PTPRT: variants seen among roughly 807,000 people sequenced by gnomAD.
PTPRT encodes the protein protein tyrosine phosphatase receptor type T.
Under a neutral mutation model 176.8 loss-of-function variants are expected in PTPRT, and 56 were observed. The observed-to-expected ratio is 0.32, with a 90% CI of 0.26 to 0.40. The LOEUF is 0.40. Ranked by LOEUF, PTPRT falls within the 10% of genes least tolerant of loss-of-function variation. The pLI is 1.00. For synonymous variants in PTPRT, 783 were observed against 739.0 expected, an observed-to-expected ratio of 1.06 and a Z score of -0.96; for missense variants, 1,540 against 1,908.2, an observed-to-expected ratio of 0.81 and a Z score of 3.60.
At chr20:42,727,302 G>A (rs1267220161) in intron 6 of PTPRT, among the ~76,000 whole-genome samples, 5 of 152,044 alleles carry the variant, frequency 3.3e-5, no homozygotes, top group African/African-American at 4.8e-5. Flanking sequence ...GACATCTTTC[G>A]GTGAAGCTTC....
At position 42,633,964 on chromosome 20, in the gene PTPRT, TA is replaced by T. The variant is rs1489995486; in HGVS notation, c.1153+43901del. Reference sequence around the variant, plus strand: ...TAATATAATATATAATTATATATAATATATTATAATATATTATATATTATAT... The same window carrying T: ...TAATATAATATATAATTATATATAATTATTATAATATATTATATATTATAT... On this transcript the variant is annotated intron_variant, in intron 7 of 30. Transcript: ENST00000373187. Among the ~76,000 whole-genome samples the T allele has an allele frequency of 6.0e-4, 19 of 31,820 alleles. 3 individuals carry two copies. The highest frequency in any genetic ancestry group is 8.6e-4 in the Non-Finnish European group (17 of 19,750). 20.9% of individuals were successfully genotyped at this position (31,820 alleles called of 152,430 possible).
chr20:42,052,755 T>G, the PTPRT span, among the ~76,000 whole-genome samples: 1 of 152,122 alleles, frequency 6.6e-6, no homozygotes, highest in East Asian at 1.9e-4. Context: ...TCCAAAGCAA[T>G]CTCTGATTAG....
intron 7 of PTPRT, among the ~76,000 whole-genome samples, chr20:42,483,817 C>T (rs74682425): frequency 3.3e-4 from 50 of 152,358 alleles, no homozygotes; most frequent in Admixed American, 7.2e-4. Flanking sequence ...TCTTGCTTTA[C>T]GGTGCTAAGG....
chr20:42,444,359 C>G (rs556776297), intron 9 of PTPRT, among the ~76,000 whole-genome samples: 1 of 152,086 alleles, frequency 6.6e-6, no homozygotes, highest in African/African-American at 2.4e-5. Context: ...ATTTACTTTC[C>G]CCTTCATTCT....
chr20:42,288,956 G>A (rs1165009317), intron 12 of PTPRT, among the ~76,000 whole-genome samples: 1 of 151,500 alleles, frequency 6.6e-6, no homozygotes, highest in Admixed American at 6.6e-5. Flanking sequence ...CTTTCCACAG[G>A]GACAGAAGTA....
chr20:42,670,031 A>G (rs544378518), intron 7 of PTPRT, among the ~76,000 whole-genome samples: 2 of 152,224 alleles, frequency 1.3e-5, no homozygotes, highest in Non-Finnish European at 2.9e-5. Context: ...GGACTCCACA[A>G]CATGCACACA....
chr20:42,349,530 T>C (rs2058245990), intron 11 of PTPRT, among the ~76,000 whole-genome samples: 1 of 152,370 alleles, frequency 6.6e-6, no homozygotes, highest in South Asian at 2.1e-4. Context: ...GGATGTGACT[T>C]ATCCATGGCT....
intron 6 of PTPRT, among the ~76,000 whole-genome samples, chr20:42,736,928 T>C (rs552071700): frequency 1.3e-5 from 2 of 152,186 alleles, no homozygotes; most frequent in East Asian, 3.9e-4. Flanking sequence ...GGTGCAGACC[T>C]CTGTATGGGC....
At chr20:43,005,468 A>T (rs997367028) in intron 1 of PTPRT, among the ~76,000 whole-genome samples, 1 of 152,188 alleles carries the variant, frequency 6.6e-6, no homozygotes, top group Admixed American at 6.5e-5. Flanking sequence ...TTTCAGCCTA[A>T]AGATGCTCTC....
chr20:42,157,669 C>A (rs1009093775), intron 17 of PTPRT, among the ~76,000 whole-genome samples: 5 of 152,080 alleles, frequency 3.3e-5, no homozygotes, highest in African/African-American at 1.2e-4. Flanking sequence ...TAGAATCTGG[C>A]AACTGCCCCT....
intron 1 of PTPRT, among the ~76,000 whole-genome samples, chr20:42,935,212 T>G (rs1014133134): frequency 4.0e-5 from 5 of 123,900 alleles, no homozygotes; most frequent in Non-Finnish European, 6.4e-5. Context: ...TGATCATAGC[T>G]CACTGTAACC....
At chr20:43,032,406 C>T (rs1270939304) in intron 1 of PTPRT, among the ~76,000 whole-genome samples, 1 of 144,934 alleles carries the variant, frequency 6.9e-6, no homozygotes, top group Non-Finnish European at 1.5e-5. Context: ...CCTGGGGGAG[C>T]AAAAGAGCCT....
intron 2 of PTPRT, among the ~76,000 whole-genome samples, chr20:42,859,225 T>G (rs1568640471): frequency 6.6e-6 from 1 of 152,230 alleles, no homozygotes; most frequent in South Asian, 2.1e-4. Flanking sequence ...CACAGCCACT[T>G]TGTGAAGCAA....
chr20:42,275,976 A>G (rs918990620), intron 13 of PTPRT, among the ~76,000 whole-genome samples: 1 of 152,130 alleles, frequency 6.6e-6, no homozygotes, highest in African/African-American at 2.4e-5. Context: ...GTTTGACAAG[A>G]TTTATAAAGA....
chr20:43,110,247 G>T (rs2012799967), intron 1 of PTPRT, among the ~76,000 whole-genome samples: 1 of 152,110 alleles, frequency 6.6e-6, no homozygotes, highest in East Asian at 1.9e-4. Context: ...ATACCCAGAG[G>T]GAACTAATAG....
At chr20:42,810,877 T>C (rs2077688416) in intron 2 of PTPRT, among the ~76,000 whole-genome samples, 1 of 152,236 alleles carries the variant, frequency 6.6e-6, no homozygotes, top group South Asian at 2.1e-4. Flanking sequence ...ATTCCTGTCC[T>C]TCTATTTAGG....
chr20:42,846,972 A>G (rs1449305244), intron 2 of PTPRT, among the ~76,000 whole-genome samples: 1 of 152,214 alleles, frequency 6.6e-6, no homozygotes, highest in Non-Finnish European at 1.5e-5. Context: ...GGAGAAAACA[A>G]TGGGGCCATT....
At chr20:43,175,196 G>A (rs2015096905) in intron 1 of PTPRT, among the ~76,000 whole-genome samples, 1 of 152,238 alleles carries the variant, frequency 6.6e-6, no homozygotes, top group African/African-American at 2.4e-5. Context: ...AGACGGAGGT[G>A]TGACAAGGGA....
Position 42,780,315 on chromosome 20 carries a change from C to T in PTPRT, c.487-16G>A, listed in dbSNP as rs373614486. On this transcript the variant is annotated splice_polypyrimidine_tract_variant and intron_variant, in intron 3 of 30. Transcript: ENST00000373187. The stretch of plus-strand genomic sequence containing the variant: ...CAAATATCACCTGCAACACACAGGG[C>T]GGGAGTCAATTTCACAGAAACAGTT... 6.2e-5 allele frequency: 99 copies of T among 1,604,600 alleles called. No individual in the cohort carries two copies. Among genetic ancestry groups the T allele is most frequent in the East Asian group, 8.9e-5 (4 of 44,796 alleles).
Sources: allele counts gnomAD v4.1 joint callset (sites outside exome capture counted in the v4.1 genomes callset), GRCh38; gene constraint gnomAD v4.1.1; transcripts MANE v1.5; gene names NCBI Gene and HGNC (gene_info 2026-07-23, HGNC 2026-07-21).